The following JMJD1C variants were observed in gnomAD, a reference collection of about 807,000 sequenced individuals.
JMJD1C encodes jumonji domain containing 1C.
Under a neutral mutation model 245.3 loss-of-function variants are expected in JMJD1C, and 31 were observed. That is an observed-to-expected ratio of 0.13 (90% CI 0.09 to 0.17). The LOEUF (loss-of-function observed/expected upper bound fraction) is 0.17, where lower values mean the gene tolerates loss of function less well. Among genes scored for constraint, JMJD1C ranks in the 10% least tolerant of loss-of-function variants. The probability of loss-of-function intolerance (pLI) is 1.00; values close to 1 mark genes in which losing one functional copy is unlikely to be tolerated. For missense variants in JMJD1C, 2,691 were observed against 3,000.2 expected (o/e 0.90, Z 2.41); for synonymous variants, 1,057 against 1,017.4 (o/e 1.04, Z -0.74).
chr10:63,443,489 G>A (rs1017950454), intron 1 of JMJD1C, among the ~76,000 whole-genome samples: 3 of 151,922 alleles, frequency 2.0e-5, no homozygotes, highest in Non-Finnish European at 4.4e-5. Context: ...TTTTGTAATG[G>A]TTGTAGAAAC....
intron 1 of JMJD1C, among the ~76,000 whole-genome samples, chr10:63,482,513 GTAGTCCTAGCTAC>G (rs1953861081): frequency 6.6e-6 from 1 of 152,114 alleles, no homozygotes; most frequent in South Asian, 2.1e-4. Context: ...GCATACACCT[GTAGTCCTAGCTAC>G]TCAGGAGGCT....
chr10:63,217,738 T>G (rs930638994), intron 4 of JMJD1C: 4 of 148,472 alleles, frequency 2.7e-5, no homozygotes, highest in African/African-American at 7.3e-5. Flanking sequence ...GTCTTCTAGT[T>G]GCCAAAACTT....
rs1589115458 is a variant in JMJD1C, at chr10:63,194,511, AAAT to A, written c.5645-139_5645-137del. The A allele has an allele frequency of 9.0e-6, 5 of 557,874 alleles. No homozygotes were observed. The East Asian group carries it at 1.4e-4, about 16-fold the overall frequency. 34.6% of individuals were successfully genotyped at this position (557,874 alleles called of 1,614,324 possible). A position where few individuals can be genotyped will look rare whatever the true frequency, so the allele number is the denominator to read the frequency against. Reference sequence around the variant, plus strand: ...GCCAAAGAGAAAAAGAAAAAAATAAAAATAATGAAATAAAATGTCAATGATATG... The same window carrying A: ...GCCAAAGAGAAAAAGAAAAAAATAAAAATGAAATAAAATGTCAATGATATG... On this transcript the variant is annotated intron_variant, in intron 13 of 25. Coordinates refer to ENST00000399262, the MANE Select transcript of JMJD1C (RefSeq NM_032776.3).
chr10:63,197,718 T>C (rs1343418975), intron 12 of JMJD1C, among the ~76,000 whole-genome samples, 155 bp from the exon 13 acceptor site: 1 of 152,232 alleles, frequency 6.6e-6, no homozygotes, highest in Non-Finnish European at 1.5e-5. Context: ...AAGTAATTTG[T>C]AATTCTCTTT....
At chr10:63,215,811 T>A in intron 5 of JMJD1C, 115 bp from the exon 6 acceptor site, 1 of 627,270 alleles carries the variant, frequency 1.6e-6, no homozygotes, top group Non-Finnish European at 2.5e-6. Flanking sequence ...ATCCCTAATT[T>A]ATAAGATGCT....
chr10:63,234,187 A>G (rs1850364425), intron 3 of JMJD1C, among the ~76,000 whole-genome samples: 1 of 152,160 alleles, frequency 6.6e-6, no homozygotes, highest in African/African-American at 2.4e-5. Context: ...GAAGTCTAGC[A>G]TGGGTAACAT....
intron 1 of JMJD1C, among the ~76,000 whole-genome samples, chr10:63,399,708 TA>T (rs1293250186): frequency 3.3e-5 from 5 of 152,092 alleles, no homozygotes; most frequent in Non-Finnish European, 7.4e-5. Context: ...TAAAAACTCT[TA>T]AAATAGTTTC....
chr10:63,257,503 C>G (rs1854131206), intron 3 of JMJD1C, among the ~76,000 whole-genome samples: 2 of 152,222 alleles, frequency 1.3e-5, no homozygotes, highest in Non-Finnish European at 2.9e-5. Flanking sequence ...AGTGTACTCA[C>G]TGCTACAAAG....
At chr10:63,413,422 T>C (rs1949605031) in intron 1 of JMJD1C, among the ~76,000 whole-genome samples, 1 of 152,224 alleles carries the variant, frequency 6.6e-6, no homozygotes, top group Non-Finnish European at 1.5e-5. Context: ...TTAATATGTG[T>C]AGATTTTAAG....
intron 1 of JMJD1C, among the ~76,000 whole-genome samples, chr10:63,462,066 G>A (rs996566842): frequency 6.6e-6 from 1 of 152,050 alleles, no homozygotes; most frequent in Non-Finnish European, 1.5e-5. Context: ...ACAAAACTCA[G>A]TAATGGGGCT....
intron 2 of JMJD1C, among the ~76,000 whole-genome samples, chr10:63,265,121 CCTTT>C (rs1855382717): frequency 1.3e-5 from 2 of 149,476 alleles, no homozygotes; most frequent in Admixed American, 6.7e-5. Context: ...TTTACCCCCA[CCTTT>C]TTTTTTTAAC....
At chr10:63,468,551 G>T (rs548644890), upstream of JMJD1C, among the ~76,000 whole-genome samples, 40 of 152,342 alleles carry the variant, frequency 2.6e-4, no homozygotes, top group African/African-American at 9.6e-4. Context: ...CTCGGAAACA[G>T]AAGAGTAATG....
At chr10:63,369,808 T>TAG (rs1279608939) in intron 2 of JMJD1C, among the ~76,000 whole-genome samples, 18 of 152,212 alleles carry the variant, frequency 1.2e-4, no homozygotes, top group Non-Finnish European at 1.9e-4. Flanking sequence ...TCCAGGGCTC[T>TAG]AGAATATCTT....
chr10:63,206,957 G>T lies in JMJD1C; in HGVS notation c.4712C>A (p.Ser1571Ter). 6.2e-7 allele frequency: 1 copy of T among 1,612,036 alleles called. No individual in the cohort carries two copies. Among genetic ancestry groups the T allele is most frequent in the Non-Finnish European group, 8.5e-7 (1 of 1,179,430 alleles). Residue 1571 changes from serine (S) to a stop codon, truncating the protein, a stop_gained, in exon 10 of 26, where the codon TCA becomes TAA. Transcript: ENST00000399262. LOFTEE classifies it high-confidence loss of function. ...EDKNTNKMENSGNSVSEIIKP... is the reference protein window; with the variant it reads ...EDKNTNKMEN Reference sequence around the variant, plus strand: ...AATAATTTCTGATACAGAATTCCCTGAATTTTCCATTTTATTAGTATTTTT... The same window carrying T: ...AATAATTTCTGATACAGAATTCCCTTAATTTTCCATTTTATTAGTATTTTT...
intron 3 of JMJD1C, among the ~76,000 whole-genome samples, chr10:63,241,654 G>A (rs888623523): frequency 6.6e-6 from 1 of 151,680 alleles, no homozygotes; most frequent in African/African-American, 2.4e-5. Flanking sequence ...CTTGCTTTAG[G>A]GCCTATCCAT....
intron 2 of JMJD1C, among the ~76,000 whole-genome samples, chr10:63,338,873 T>C (rs1943116598): frequency 6.6e-6 from 1 of 151,966 alleles, no homozygotes; most frequent in Non-Finnish European, 1.5e-5. Flanking sequence ...GGTCTTGAAC[T>C]CTCAACCTCA....
rs867700493 is a variant in JMJD1C, at chr10:63,260,050, T to C, written c.447+4601A>G. Among the ~76,000 whole-genome samples, 13 of 152,290 alleles carry C rather than the reference T, an allele frequency of 8.5e-5. No homozygotes were observed. The Middle Eastern group carries it at 0.014, about 159-fold the overall frequency. The stretch of plus-strand genomic sequence containing the variant: ...CAGAGTAGCTGGGATCCAGAACTTC[T>C]AATGGAATCATTCCTTCAGGTCTAG... On this transcript the variant is annotated intron_variant, in intron 3 of 25. Transcript: ENST00000399262.
intron 3 of JMJD1C, among the ~76,000 whole-genome samples, chr10:63,257,801 G>C (rs1022875186): frequency 3.3e-5 from 5 of 152,152 alleles, no homozygotes; most frequent in Admixed American, 3.3e-4. Flanking sequence ...AAGTCACAAT[G>C]AAATCTTACC....
At chr10:63,194,445 T>A in intron 13 of JMJD1C, 70 bp from the exon 14 acceptor site, 2 of 1,014,418 alleles carry the variant, frequency 2.0e-6, no homozygotes, top group Non-Finnish European at 3.1e-6. Flanking sequence ...GTAAAGAACT[T>A]AACGATTATA....
Sources: allele counts gnomAD v4.1 joint callset (sites outside exome capture counted in the v4.1 genomes callset), GRCh38; gene constraint gnomAD v4.1.1; transcripts MANE v1.5; gene names NCBI Gene and HGNC (gene_info 2026-07-23, HGNC 2026-07-21).